FRMD5: variants seen among roughly 807,000 people sequenced by gnomAD.
FRMD5 encodes FERM domain-containing protein 5.
FRMD5 carries 20 observed loss-of-function variants against 69.0 expected under a neutral mutation model. The ratio of observed to expected loss-of-function variants is 0.29; its 90% CI spans 0.20 to 0.42. FRMD5 has a LOEUF of 0.42. FRMD5 is among the 10% of genes least tolerant of loss of function. FRMD5 has a pLI of 1.00. For synonymous variants in FRMD5, 271 were observed against 260.1 expected, an observed-to-expected ratio of 1.04 and a Z score of -0.40; for missense variants, 595 against 708.6, an observed-to-expected ratio of 0.84 and a Z score of 1.82.
intron 1 of FRMD5, among the ~76,000 whole-genome samples, chr15:43,928,549 A>C (rs1029097786): frequency 4.6e-5 from 7 of 152,182 alleles, no homozygotes; most frequent in Non-Finnish European, 7.3e-5. Context: ...GGCAGGGGCA[A>C]GATTTTAGGA....
chr15:43,904,204 G>A (rs2089116831), intron 6 of FRMD5, among the ~76,000 whole-genome samples: 1 of 152,174 alleles, frequency 6.6e-6, no homozygotes, highest in Admixed American at 6.5e-5. Flanking sequence ...TTTCTGGGGG[G>A]CCTGTGGTCG....
At chr15:43,906,207 G>A (rs1267458210) in intron 5 of FRMD5, among the ~76,000 whole-genome samples, 3 of 152,212 alleles carry the variant, frequency 2.0e-5, no homozygotes, top group East Asian at 1.9e-4. Flanking sequence ...CTTGTGTTCT[G>A]AGGTCACCAC....
intron 1 of FRMD5, among the ~76,000 whole-genome samples, chr15:44,112,162 TA>T (rs1287292251): frequency 6.6e-6 from 1 of 152,142 alleles, no homozygotes. Context: ...TCTCTTTTCA[TA>T]TAAAAATGTC....
chr15:43,988,968 TA>T (rs1014178655), intron 1 of FRMD5: 18 of 645,764 alleles, frequency 2.8e-5, no homozygotes, highest in African/African-American at 2.0e-4. Context: ...CAAAACAAAA[TA>T]AAAAAAACAA....
At chr15:43,970,080 C>T (rs912210227) in intron 1 of FRMD5, among the ~76,000 whole-genome samples, 2 of 152,120 alleles carry the variant, frequency 1.3e-5, no homozygotes, top group Admixed American at 1.3e-4. Context: ...GGATTTTGTG[C>T]TTAATTTTCT....
At chr15:43,939,581 A>T (rs772184429) in intron 1 of FRMD5, among the ~76,000 whole-genome samples, 1 of 151,760 alleles carries the variant, frequency 6.6e-6, no homozygotes, top group Non-Finnish European at 1.5e-5. Context: ...TTTTTGAGAT[A>T]GGTTCTCACT....
chr15:43,969,972 C>T (rs959870354), intron 1 of FRMD5, among the ~76,000 whole-genome samples: 19 of 152,312 alleles, frequency 1.2e-4, no homozygotes, highest in Non-Finnish European at 2.4e-4. Context: ...CAACTGGCCA[C>T]ACAGAAAGTC....
At chr15:43,972,358 T>G (rs1469785577) in intron 1 of FRMD5, among the ~76,000 whole-genome samples, 2 of 152,120 alleles carry the variant, frequency 1.3e-5, no homozygotes, top group Non-Finnish European at 2.9e-5. Flanking sequence ...TAAATGGAAT[T>G]TGTTTGCTTG....
chr15:44,078,390 A>G (rs1321949197), intron 1 of FRMD5, among the ~76,000 whole-genome samples: 1 of 152,152 alleles, frequency 6.6e-6, no homozygotes, highest in Non-Finnish European at 1.5e-5. Context: ...AGGACTTCCT[A>G]TAAAATACTT....
At chr15:43,982,479 A>T (rs1158168069) in intron 1 of FRMD5, among the ~76,000 whole-genome samples, 1 of 152,208 alleles carries the variant, frequency 6.6e-6, no homozygotes, top group Non-Finnish European at 1.5e-5. Context: ...TATACAGATA[A>T]AGGCAGTCCT....
intron 8 of FRMD5, among the ~76,000 whole-genome samples, chr15:43,889,514 G>A (rs775566686): frequency 6.6e-6 from 1 of 152,202 alleles, no homozygotes; most frequent in Non-Finnish European, 1.5e-5. Flanking sequence ...CACCAGCCCA[G>A]TGAATGGCTG....
chr15:43,989,344 G>C (rs1889554861), intron 1 of FRMD5: 1 of 784,864 alleles, frequency 1.3e-6, no homozygotes, highest in East Asian at 2.4e-5. Flanking sequence ...CTTCATGATG[G>C]AGTTGAAGGT....
At chr15:43,953,632 ATCCCTCACAACCACT>A (rs1300416495) in intron 1 of FRMD5, among the ~76,000 whole-genome samples, 1 of 152,204 alleles carries the variant, frequency 6.6e-6, no homozygotes, top group Non-Finnish European at 1.5e-5. Context: ...TACCACAGCT[ATCCCTCACAACCACT>A]TCCCTCACAA....
At chr15:43,897,846 C>T (rs2088951627) in intron 7 of FRMD5, among the ~76,000 whole-genome samples, 2 of 152,006 alleles carry the variant, frequency 1.3e-5, no homozygotes, top group Non-Finnish European at 2.9e-5. Flanking sequence ...GGGCAGTTTC[C>T]CCATGCTGTT....
intron 6 of FRMD5, among the ~76,000 whole-genome samples, chr15:43,903,907 A>G (rs1316896200): frequency 6.6e-6 from 1 of 152,228 alleles, no homozygotes; most frequent in Non-Finnish European, 1.5e-5. Context: ...TGAAGGAACC[A>G]TGAGGCCCCT....
rs1205136995 is a variant in FRMD5 at position 43,873,929 on chromosome 15, C to T, written c.1669G>A (p.Ala557Thr). 5 of 1,614,150 alleles carry T rather than the reference C, an allele frequency of 3.1e-6. No homozygotes were observed. The South Asian group carries it at 3.3e-5, about 11-fold the overall frequency. ...CTCACCACTGAGCGGATTTTGCAGG[C>T]AAACCATCGCCTGAGGGGACAAAAG... ...QYFCPLRRWF[A>T]CKIRSVVSLL... Residue 557 changes from alanine (A) to threonine (T), a missense_variant, in exon 14 of 14, where the codon GCC becomes ACC. Coordinates refer to ENST00000417257, the MANE Select transcript of FRMD5 (RefSeq NM_032892.5).
intron 1 of FRMD5, among the ~76,000 whole-genome samples, chr15:44,019,449 G>A (rs1254162162): frequency 5.3e-4 from 78 of 147,304 alleles, no homozygotes; most frequent in Middle Eastern, 3.5e-3. Context: ...AAAAAAAAAA[G>A]AAAGGGCCAG....
At chr15:43,905,260 C>G (rs900847619) in intron 6 of FRMD5, among the ~76,000 whole-genome samples, 1 of 151,960 alleles carries the variant, frequency 6.6e-6, no homozygotes, top group East Asian at 1.9e-4. Flanking sequence ...CCTCAGCCTC[C>G]GGAGTAGTTG....
chr15:44,080,911 G>A (rs1893970819), intron 1 of FRMD5, among the ~76,000 whole-genome samples: 1 of 152,128 alleles, frequency 6.6e-6, no homozygotes, highest in East Asian at 1.9e-4. Context: ...GAAGGTCAGA[G>A]GTTTGCGACT....
Sources: allele counts gnomAD v4.1 joint callset (sites outside exome capture counted in the v4.1 genomes callset), GRCh38; gene constraint gnomAD v4.1.1; transcripts MANE v1.5; gene names NCBI Gene and HGNC (gene_info 2026-07-23, HGNC 2026-07-21).